The following SHLD2 variants were observed in gnomAD, a reference collection of about 807,000 sequenced individuals.
The protein encoded by SHLD2 is RINN1-REV7-interacting novel NHEJ regulator 2.
A neutral mutation model predicts 73.2 loss-of-function variants in SHLD2; 30 were observed. That is an observed-to-expected ratio of 0.41 (90% CI 0.31 to 0.56). SHLD2 has a LOEUF of 0.56. Among genes scored for constraint, SHLD2 ranks in the 20% least tolerant of loss-of-function variants. The pLI, the probability that SHLD2 is intolerant of heterozygous loss-of-function variation, is 0.28. For synonymous variants in SHLD2, 285 were observed against 370.1 expected, an observed-to-expected ratio of 0.77 and a Z score of 2.64; for missense variants, 745 against 1,055.9, an observed-to-expected ratio of 0.71 and a Z score of 4.08.
chr10:87,156,030 A>G (rs1846398305), intron 3 of SHLD2, among the ~76,000 whole-genome samples: 1 of 150,708 alleles, frequency 6.6e-6, no homozygotes, highest in Admixed American at 6.6e-5. Context: ...GGTAGTTCAT[A>G]CTACCTATTG....
intron 2 of SHLD2, among the ~76,000 whole-genome samples, chr10:87,100,597 C>T (rs1842202737): frequency 6.6e-6 from 1 of 152,014 alleles, no homozygotes; most frequent in South Asian, 2.1e-4. Context: ...CCTGCTCCAG[C>T]CTCCTGAGTA....
At chr10:87,145,472 T>C (rs1783066631) in intron 2 of SHLD2, among the ~76,000 whole-genome samples, 1 of 151,970 alleles carries the variant, frequency 6.6e-6, no homozygotes, top group South Asian at 2.1e-4. Context: ...TTGCTTTTAA[T>C]TACAATCCCA....
chr10:87,173,504 T>C (rs1401248313), intron 6 of SHLD2, among the ~76,000 whole-genome samples: 1 of 152,124 alleles, frequency 6.6e-6, no homozygotes, highest in Non-Finnish European at 1.5e-5. Flanking sequence ...GAATAGTTAA[T>C]GTTTGGAAAA....
intron 2 of SHLD2, among the ~76,000 whole-genome samples, chr10:87,148,393 T>C (rs1845772149): frequency 6.6e-6 from 1 of 152,206 alleles, no homozygotes; most frequent in South Asian, 2.1e-4. Context: ...GAGGGATTGA[T>C]AAACAGTTTC....
At chr10:87,188,020 C>T (rs1480414277) in intron 9 of SHLD2, among the ~76,000 whole-genome samples, 1 of 152,218 alleles carries the variant, frequency 6.6e-6, no homozygotes, top group Non-Finnish European at 1.5e-5. Flanking sequence ...GCCCTCCACT[C>T]TGCACCTGGG....
intron 8 of SHLD2, among the ~76,000 whole-genome samples, chr10:87,184,837 CT>C (rs1051820701): frequency 6.6e-6 from 1 of 152,160 alleles, no homozygotes; most frequent in African/African-American, 2.4e-5. Flanking sequence ...AACCACTCTT[CT>C]TTATTTTCTG....
intron 8 of SHLD2, among the ~76,000 whole-genome samples, chr10:87,185,342 CTT>C (rs1335191171): frequency 6.6e-6 from 1 of 152,056 alleles, no homozygotes; most frequent in African/African-American, 2.4e-5. Context: ...TGTTTCTACT[CTT>C]TGGCTATTAT....
chr10:87,181,309 C>T (rs1007922654), intron 8 of SHLD2, among the ~76,000 whole-genome samples: 2 of 151,158 alleles, frequency 1.3e-5, no homozygotes, highest in Non-Finnish European at 2.9e-5. Flanking sequence ...TGTTTGAGCC[C>T]AGGAGATCGA....
chr10:87,183,680 A>G (rs1165782741), intron 8 of SHLD2, among the ~76,000 whole-genome samples: 4 of 152,122 alleles, frequency 2.6e-5, no homozygotes, highest in Non-Finnish European at 5.9e-5. Flanking sequence ...TACTCCTACC[A>G]TGCTGCAGAA....
chr10:87,094,668 C>G (rs896457764), upstream of SHLD2: 216 of 1,558,590 alleles, frequency 1.4e-4, no homozygotes, highest in Non-Finnish European at 1.8e-4. The surrounding 1 kb of genome is among the most constrained non-coding windows in gnomAD (Gnocchi z 6.6). Context: ...CGGGCTGTCC[C>G]CGGGCCCAGC....
chr10:87,147,093 A>G (rs1279970532), intron 2 of SHLD2, among the ~76,000 whole-genome samples: 2 of 151,792 alleles, frequency 1.3e-5, no homozygotes, highest in African/African-American at 4.8e-5. Context: ...AAAAAACAAA[A>G]AAACCTTGTG....
chr10:87,106,303 C>G (rs1842590809), intron 2 of SHLD2, among the ~76,000 whole-genome samples: 1 of 152,216 alleles, frequency 6.6e-6, no homozygotes, highest in Non-Finnish European at 1.5e-5. Flanking sequence ...CTGTTCCCGG[C>G]CAGAAGGAAT....
At chr10:87,116,381 A>AT (rs772636918) in intron 2 of SHLD2, among the ~76,000 whole-genome samples, 44 of 150,834 alleles carry the variant, frequency 2.9e-4, no homozygotes, top group Non-Finnish European at 5.3e-4. Context: ...AAGATGTAGA[A>AT]TAAAGGAGGT....
At chr10:87,154,585 T>TGGCCG (rs771075699) in intron 3 of SHLD2, among the ~76,000 whole-genome samples, 13 of 151,968 alleles carry the variant, frequency 8.6e-5, no homozygotes, top group Non-Finnish European at 1.6e-4. Flanking sequence ...TTCACCATGT[T>TGGCCG]GGCCGGGCTG....
upstream of SHLD2, chr10:87,094,763 G>T (rs1439498932): frequency 5.2e-6 from 8 of 1,538,702 alleles, no homozygotes; most frequent in East Asian, 2.7e-5. The surrounding 1 kb of genome is among the most constrained non-coding windows in gnomAD (Gnocchi z 6.6). Context: ...CCCAGGTAGC[G>T]GTACATGGCC....
chr10:87,176,672 G>T (rs747173687), intron 7 of SHLD2, among the ~76,000 whole-genome samples: 43 of 152,342 alleles, frequency 2.8e-4, no homozygotes, highest in Non-Finnish European at 4.9e-4. Flanking sequence ...CCAAATGCCA[G>T]ATTAAAATGT....
At chr10:87,125,052 A>G (rs1374240534) in intron 2 of SHLD2, among the ~76,000 whole-genome samples, 3 of 152,200 alleles carry the variant, frequency 2.0e-5, no homozygotes, top group African/African-American at 7.2e-5. Flanking sequence ...CTATGAAGTC[A>G]TTACAAAGAA....
At chr10:87,100,383 TA>T (rs1842186319) in intron 2 of SHLD2, among the ~76,000 whole-genome samples, 1 of 152,162 alleles carries the variant, frequency 6.6e-6, no homozygotes, top group Non-Finnish European at 1.5e-5. Flanking sequence ...CTATGAAAAA[TA>T]AATTGACCTA....
chr10:87,112,477 C>T (rs1044609660), intron 2 of SHLD2, among the ~76,000 whole-genome samples: 8 of 151,930 alleles, frequency 5.3e-5, no homozygotes, highest in African/African-American at 1.9e-4. Flanking sequence ...CCAGCCTGGG[C>T]AACATAGGGA....
Sources: allele counts gnomAD v4.1 joint callset (sites outside exome capture counted in the v4.1 genomes callset), GRCh38; gene constraint gnomAD v4.1.1; non-coding constraint Gnocchi (gnomAD v3.1); transcripts MANE v1.5; gene names NCBI Gene and HGNC (gene_info 2026-07-23, HGNC 2026-07-21).